GABRP: variants seen among roughly 807,000 people sequenced by gnomAD.
GABRP encodes gamma-aminobutyric acid type A receptor subunit pi.
GABRP carries 52 observed loss-of-function variants against 47.8 expected under a neutral mutation model. The ratio of observed to expected loss-of-function variants is 1.09; its 90% CI spans 0.87 to 1.37. GABRP has a LOEUF of 1.37. Among genes scored for constraint, GABRP ranks in the 40% most tolerant of loss-of-function variants. The pLI, the probability that GABRP is intolerant of heterozygous loss-of-function variation, is 0.00. For synonymous variants in GABRP, 221 were observed against 205.8 expected, an observed-to-expected ratio of 1.07 and a Z score of -0.63; for missense variants, 525 against 542.8, an observed-to-expected ratio of 0.97 and a Z score of 0.33.
In GABRP at chr5:170,812,249, GT is replaced by G; in HGVS notation, c.1315del (p.Tyr439IlefsTer22). The G allele has an allele frequency of 6.2e-7, 1 of 1,608,570 alleles. No individual in the cohort carries two copies. Among genetic ancestry groups the G allele is most frequent in the Non-Finnish European group, 8.5e-7 (1 of 1,176,038 alleles). On this transcript the variant is annotated frameshift_variant, in exon 10 of 10. Coordinates refer to ENST00000265294, the MANE Select transcript of GABRP (RefSeq NM_014211.3). LOFTEE classifies it high-confidence loss of function. The part of the protein sequence containing the change: ...ANVFYWAYYM[Y>X]F ...ATGTATTTTACTGGGCATACTACAT[GT>G]ATTTTTGAGTCAATGTTAAATTTCT...
At chr5:170,803,788 G>GGTTT (rs1765656496) in intron 6 of GABRP, among the ~76,000 whole-genome samples, 1 of 147,940 alleles carries the variant, frequency 6.8e-6, no homozygotes, top group Non-Finnish European at 1.5e-5. Flanking sequence ...TTGGTTGGTT[G>GGTTT]GTTTTGAGAC....
At chr5:170,800,391 A>G (rs1765558605) in intron 6 of GABRP, among the ~76,000 whole-genome samples, 1 of 152,246 alleles carries the variant, frequency 6.6e-6, no homozygotes, top group Admixed American at 6.5e-5. Context: ...TAAAAACCCT[A>G]GAAGAAAACC....
chr5:170,786,275 T>C (rs1439908827), intron 1 of GABRP, among the ~76,000 whole-genome samples: 1 of 152,164 alleles, frequency 6.6e-6, no homozygotes, highest in East Asian at 1.9e-4. Context: ...AGGAAGAGAA[T>C]GTGAATATGA....
At chr5:170,794,187 C>A in intron 3 of GABRP, 44 bp from the exon 4 acceptor site, 1 of 1,376,318 alleles carries the variant, frequency 7.3e-7, no homozygotes, top group Non-Finnish European at 1.0e-6. Context: ...ATTAAGACAG[C>A]TCATGGTTGT....
intron 7 of GABRP, among the ~76,000 whole-genome samples, chr5:170,807,717 C>T (rs10063254): frequency 0.21 from 31,555 of 151,802 alleles, 3,493 homozygotes; most frequent in East Asian, 0.27. Context: ...TCACCAAGCT[C>T]GAAAAGTACA....
At chr5:170,792,987 G>A (rs552528522) in intron 3 of GABRP, among the ~76,000 whole-genome samples, 111 of 152,266 alleles carry the variant, frequency 7.3e-4, no homozygotes, top group Non-Finnish European at 1.2e-3. Flanking sequence ...TTACGGAAGA[G>A]AGGGGGAAGG....
chr5:170,797,486 G>A lies in GABRP; in HGVS notation c.479G>A (p.Cys160Tyr), dbSNP rs774613920. ...CTTAGAATCACGACAACTGTTGCAT[G>A]TAACATGGATCTGTCTAAATACCCC... ...YALRITTTVA[C>Y]NMDLSKYPMD... The change falls in exon 6 of 10, where the codon TGT becomes TAT. Residue 160 changes from cysteine (C) to tyrosine (Y), a missense_variant. Cys to Tyr is a radical substitution (Grantham distance 194, BLOSUM62 -2). Coordinates refer to ENST00000265294, the MANE Select transcript of GABRP (RefSeq NM_014211.3). 1 of 1,611,938 alleles carries A rather than the reference G, an allele frequency of 6.2e-7. No homozygotes were observed. Among genetic ancestry groups the A allele is most frequent in the Non-Finnish European group, 8.5e-7 (1 of 1,178,024 alleles).
chr5:170,783,467 C>G (rs1227909275), upstream of GABRP, among the ~76,000 whole-genome samples: 1 of 152,146 alleles, frequency 6.6e-6, no homozygotes, highest in African/African-American at 2.4e-5. Flanking sequence ...CCCACTTTAT[C>G]TGACTCTCAT....
At chr5:170,805,887 T>C (rs773791819) in intron 7 of GABRP, 34 bp downstream of exon 7, 1 of 1,609,024 alleles carries the variant, frequency 6.2e-7, no homozygotes, top group Non-Finnish European at 8.5e-7. Context: ...GAAATAAAAA[T>C]AAGTGAACTG....
chr5:170,784,152 A>G (rs1039735534), intron 1 of GABRP, among the ~76,000 whole-genome samples: 1 of 152,196 alleles, frequency 6.6e-6, no homozygotes, highest in African/African-American at 2.4e-5. Flanking sequence ...GATTTTCTTA[A>G]GCGGGACCCA....
chr5:170,783,436 C>G (rs902192901), upstream of GABRP, among the ~76,000 whole-genome samples: 8 of 152,052 alleles, frequency 5.3e-5, no homozygotes, highest in African/African-American at 1.9e-4. Context: ...ATTCAGAGCC[C>G]GGCATAGTGG....
intron 6 of GABRP, among the ~76,000 whole-genome samples, chr5:170,798,844 C>T (rs1765508426): frequency 6.6e-6 from 1 of 151,840 alleles, no homozygotes; most frequent in Admixed American, 6.6e-5. Context: ...ATGTGCACAA[C>T]ATGCAGGTTT....
intron 6 of GABRP, among the ~76,000 whole-genome samples, chr5:170,798,133 C>A (rs1765485163): frequency 6.6e-6 from 1 of 152,214 alleles, no homozygotes; most frequent in African/African-American, 2.4e-5. Context: ...GCTCTGCCTC[C>A]CAGGTTCACG....
At chr5:170,810,222 A>G (rs1483584885) in intron 9 of GABRP, 3 of 443,182 alleles carry the variant, frequency 6.8e-6, no homozygotes, top group Non-Finnish European at 1.2e-5. Context: ...TTTTCTGCTA[A>G]TTGAGAAAAA....
intron 6 of GABRP, among the ~76,000 whole-genome samples, chr5:170,799,649 T>A (rs547281811): frequency 1.3e-5 from 2 of 152,342 alleles, no homozygotes; most frequent in South Asian, 2.1e-4. Context: ...TCTCGTAAAT[T>A]TGTTCAAGTT....
At chr5:170,805,966 C>A (rs1268267531) in intron 7 of GABRP, 113 bp downstream of exon 7, 7 of 1,201,630 alleles carry the variant, frequency 5.8e-6, no homozygotes, top group Non-Finnish European at 8.2e-6. Flanking sequence ...TGCAGTGGAG[C>A]GGGACAGTAG....
intron 6 of GABRP, among the ~76,000 whole-genome samples, chr5:170,801,557 C>A (rs557902957): frequency 6.6e-6 from 1 of 152,302 alleles, no homozygotes; most frequent in African/African-American, 2.4e-5. Context: ...TTTGTCCTTT[C>A]CTGTGTCTGC....
At chr5:170,805,900 G>A in intron 7 of GABRP, 47 bp downstream of exon 7, 1 of 1,595,094 alleles carries the variant, frequency 6.3e-7, no homozygotes, top group Non-Finnish European at 8.6e-7. Context: ...GTGAACTGAG[G>A]TGTAGGGTTG....
At chr5:170,795,945 C>A (rs1490736647) in intron 5 of GABRP, among the ~76,000 whole-genome samples, 2 of 152,170 alleles carry the variant, frequency 1.3e-5, no homozygotes. Flanking sequence ...AACCAAGGTG[C>A]AGTGCCCCAA....
Sources: allele counts gnomAD v4.1 joint callset (sites outside exome capture counted in the v4.1 genomes callset), GRCh38; gene constraint gnomAD v4.1.1; transcripts MANE v1.5; gene names NCBI Gene and HGNC (gene_info 2026-07-23, HGNC 2026-07-21).